RPGRIP1L: variants seen among roughly 807,000 people sequenced by gnomAD.
RPGRIP1L encodes protein fantom.
In RPGRIP1L, 131 loss-of-function variants were observed where a neutral mutation model predicts 160.4. The ratio of observed to expected loss-of-function variants is 0.82; its 90% confidence interval spans 0.71 to 0.94. RPGRIP1L has a LOEUF of 0.94. Among genes scored for constraint, RPGRIP1L ranks in the 40% least tolerant of loss-of-function variants. The probability of loss-of-function intolerance (pLI) is 0.00; values close to 1 mark genes in which losing one functional copy is unlikely to be tolerated. For synonymous variants in RPGRIP1L, 510 were observed against 515.8 expected, an observed-to-expected ratio of 0.99 and a Z score of 0.15; for missense variants, 1,522 against 1,535.8, an observed-to-expected ratio of 0.99 and a Z score of 0.15.
chr16:53,629,964 C>T (rs1485928533), intron 22 of RPGRIP1L, among the ~76,000 whole-genome samples: 1 of 152,212 alleles, frequency 6.6e-6, no homozygotes, highest in African/African-American at 2.4e-5. Context: ...TTTTCCCAAA[C>T]ATTTTCTTTG....
chr16:53,686,703 C>T, intron 5 of RPGRIP1L, 127 bp from the exon 6 acceptor site: 1 of 811,010 alleles, frequency 1.2e-6, no homozygotes. Context: ...TTAAGTGCCT[C>T]TGCACACAGT....
intron 25 of RPGRIP1L, among the ~76,000 whole-genome samples, chr16:53,609,350 G>C (rs1963884445): frequency 1.3e-5 from 2 of 152,056 alleles, no homozygotes; most frequent in Admixed American, 1.3e-4. Context: ...CTTTTGCCTT[G>C]GCCTCCCAAA....
At chr16:53,607,891 A>G in intron 25 of RPGRIP1L, 1 of 592,934 alleles carries the variant, frequency 1.7e-6, no homozygotes, top group Middle Eastern at 8.4e-4. Flanking sequence ...AAAATAACGA[A>G]AAGACACACA....
chr16:53,686,412 G>A (rs1217636672), intron 6 of RPGRIP1L, 21 bp downstream of exon 6: 3 of 1,609,360 alleles, frequency 1.9e-6, no homozygotes, highest in African/African-American at 2.7e-5. Flanking sequence ...TTATCAAAGT[G>A]ATATTTCTGT....
intron 4 of RPGRIP1L, among the ~76,000 whole-genome samples, chr16:53,688,686 GAACAA>G (rs772767585): frequency 2.0e-5 from 3 of 151,948 alleles, no homozygotes; most frequent in Admixed American, 1.3e-4. Context: ...TTTAAATGGA[GAACAA>G]AACAACAAAT....
In RPGRIP1L at chr16:53,645,814, T is replaced by C; in HGVS notation, c.2494A>G (p.Ser832Gly). The C allele has an allele frequency of 6.2e-7, 1 of 1,614,178 alleles. No individual in the cohort carries two copies. Among genetic ancestry groups the C allele is most frequent in the Non-Finnish European group, 8.5e-7 (1 of 1,180,010 alleles). ...FADHDTAIIPSSNDPQFDDHM... is the reference protein window; with the variant it reads ...FADHDTAIIPGSNDPQFDDHM... Reference sequence around the variant, plus strand: ...TCATCAAACTGTGGATCATTGCTACTGGGAATGATAGCTGTATCATGGTCT... The same window carrying C: ...TCATCAAACTGTGGATCATTGCTACCGGGAATGATAGCTGTATCATGGTCT... Residue 832 changes from serine (S) to glycine (G), a missense_variant, in exon 17 of 27, where the codon AGT becomes GGT. Transcript: ENST00000647211.
At chr16:53,617,290 T>C (rs1293630146) in intron 24 of RPGRIP1L, among the ~76,000 whole-genome samples, 2 of 152,080 alleles carry the variant, frequency 1.3e-5, no homozygotes, top group African/African-American at 4.8e-5. Context: ...AAAAACAATG[T>C]TGTTGCCAGT....
At chr16:53,623,893 A>G (rs1964901880) in intron 22 of RPGRIP1L, among the ~76,000 whole-genome samples, 2 of 152,154 alleles carry the variant, frequency 1.3e-5, no homozygotes, top group South Asian at 4.1e-4. Flanking sequence ...TATATTCAGA[A>G]TATCTTTTTT....
rs142560316 is a variant in RPGRIP1L, at chr16:53,691,978, C to T, written c.529+88G>A. 8.6e-4 allele frequency: 1,047 copies of T among 1,216,104 alleles called. 2 individuals are homozygous for T. Among genetic ancestry groups the T allele is most frequent in the African/African-American group, 8.5e-3 (568 of 67,124 alleles). 75.3% of individuals were successfully genotyped at this position (1,216,104 alleles called of 1,614,324 possible). A position where few individuals can be genotyped will look rare whatever the true frequency, so the allele number is the denominator to read the frequency against. ...CTTCCTAAAGACACTTAAAAGCATG[C>T]GTAATACAGAAGTAAAACTTTGTGT... On this transcript the variant is annotated intron_variant, in intron 4 of 26. Coordinates refer to ENST00000647211, the MANE Select transcript of RPGRIP1L (RefSeq NM_015272.5).
intron 14 of RPGRIP1L, chr16:53,653,328 G>A (rs2151130651): frequency 1.8e-6 from 2 of 1,124,538 alleles, no homozygotes; most frequent in Non-Finnish European, 1.1e-6. Context: ...TCCACCCATT[G>A]TCTTCACTCC....
intron 3 of RPGRIP1L, chr16:53,694,600 C>T (rs770207628): frequency 3.3e-5 from 5 of 152,074 alleles, no homozygotes; most frequent in Non-Finnish European, 5.9e-5. Context: ...CAACCTCTGC[C>T]TCCCGGGTTC....
intron 3 of RPGRIP1L, 127 bp downstream of exon 3, chr16:53,696,024 T>C (rs1970730178): frequency 1.1e-6 from 1 of 903,056 alleles, no homozygotes; most frequent in Non-Finnish European, 1.7e-6. Flanking sequence ...TTAAAAATTG[T>C]ACTTATTTAC....
Position 53,641,121 on chromosome 16 carries a change from GACAA to G in RPGRIP1L, c.2875-9_2875-6del. On this transcript the variant is annotated splice_polypyrimidine_tract_variant and splice_region_variant and intron_variant, in intron 18 of 26. Coordinates refer to ENST00000647211, the MANE Select transcript of RPGRIP1L (RefSeq NM_015272.5). ...TCTTGGTTTAGGTCTTGGTGCCTAA[GACAA>G]ACCAACCAATGTGTCAGACTGAGTA... 1 of 1,611,112 alleles carries G rather than the reference GACAA, an allele frequency of 6.2e-7. No individual in the cohort carries two copies. Among genetic ancestry groups the G allele is most frequent in the Non-Finnish European group, 8.5e-7 (1 of 1,177,422 alleles).
intron 14 of RPGRIP1L, chr16:53,653,308 C>T: frequency 1.7e-6 from 2 of 1,145,912 alleles, no homozygotes; most frequent in Non-Finnish European, 2.2e-6. Context: ...ACCTGCTTCC[C>T]TGTCTCTGCT....
chr16:53,687,923 G>C lies in RPGRIP1L; in HGVS notation c.572C>G (p.Pro191Arg). Reference protein sequence around the residue: ...QDADVAETPHPMFTKYGNSLL... With the variant: ...QDADVAETPHRMFTKYGNSLL... ...ACTGTTGCCATATTTTGTAAACATG[G>C]GATGTGGAGTTTCTGCTACATCTGC... is the stretch of plus-strand genomic sequence containing the variant. The change falls in exon 5 of 27, where the codon CCC becomes CGC. Residue 191 changes from proline (P) to arginine (R), a missense_variant. Transcript: ENST00000647211. 6.2e-7 allele frequency: 1 copy of C among 1,611,450 alleles called. No individual in the cohort carries two copies. Among genetic ancestry groups the C allele is most frequent in the South Asian group, 1.1e-5 (1 of 90,924 alleles).
chr16:53,616,768 A>C (rs1964398057), intron 24 of RPGRIP1L, among the ~76,000 whole-genome samples: 2 of 152,042 alleles, frequency 1.3e-5, no homozygotes, highest in Admixed American at 1.3e-4. Context: ...AAAGGGAAAA[A>C]ACAAACCAAA....
intron 16 of RPGRIP1L, among the ~76,000 whole-genome samples, chr16:53,647,325 G>A (rs12447949): frequency 0.051 from 7,796 of 152,196 alleles, 401 homozygotes; most frequent in East Asian, 0.3. Context: ...CATATTTCAC[G>A]GAATACATAG....
In RPGRIP1L at chr16:53,652,879, C is replaced by T. The variant is rs537925312; in HGVS notation, c.1808G>A (p.Gly603Asp). ...EFDETIHLER[G>D]ENLFEIHINK... The stretch of plus-strand genomic sequence containing the variant: ...GATATGGATTTCAAATAGATTTTCG[C>T]CTCGTTCTAAGTGGATGGTTTCATC... The change falls in exon 15 of 27, where the codon GGC (glycine) becomes GAC (aspartate). Residue 603 changes from glycine to aspartate, a missense_variant. Physicochemically the swap from Gly to Asp is moderately conservative, Grantham distance 94 (BLOSUM62 -1). Transcript: ENST00000647211. 6.4e-5 allele frequency: 103 copies of T among 1,612,590 alleles called. 2 individuals carry two copies. In the South Asian group the frequency reaches 1.1e-3, roughly 17 times the overall value.
chr16:53,658,614 T>C (rs1967476454), intron 11 of RPGRIP1L, 150 bp from the exon 12 acceptor site: 1 of 863,944 alleles, frequency 1.2e-6, no homozygotes, highest in Non-Finnish European at 1.9e-6. Flanking sequence ...TGCTTCAAAA[T>C]GTCCCTATGG....
Sources: gnomAD v4.1 joint callset for allele counts (sites outside exome capture counted in the v4.1 genomes callset) on GRCh38, gnomAD v4.1.1 for gene constraint, MANE v1.5 for transcripts, NCBI Gene and HGNC (gene_info 2026-07-23, HGNC 2026-07-21) for gene names.